The following SLC24A2 variants were observed in gnomAD, a reference collection of about 807,000 sequenced individuals.
SLC24A2 encodes sodium/potassium/calcium exchanger 2.
Under a neutral mutation model 62.0 loss-of-function variants are expected in SLC24A2, and 36 were observed. That is an observed-to-expected ratio of 0.58 (90% confidence interval 0.44 to 0.77). SLC24A2 has a LOEUF of 0.77. Among genes scored for constraint, SLC24A2 ranks in the 30% least tolerant of loss-of-function variants. The pLI, the probability that SLC24A2 is intolerant of heterozygous loss-of-function variation, is 0.00. For synonymous variants in SLC24A2, 358 were observed against 294.0 expected (o/e 1.22, Z -2.23); for missense variants, 846 against 817.9 (o/e 1.03, Z -0.42).
At chr9:19,668,048 T>G (rs558005002) in intron 2 of SLC24A2, among the ~76,000 whole-genome samples, 1 of 152,140 alleles carries the variant, frequency 6.6e-6, no homozygotes, top group African/African-American at 2.4e-5. Flanking sequence ...CTTGGCCACA[T>G]TGGAAGCTCC....
chr9:19,743,665 C>T (rs1375491783), intron 2 of SLC24A2, among the ~76,000 whole-genome samples: 4 of 152,078 alleles, frequency 2.6e-5, no homozygotes, highest in Non-Finnish European at 5.9e-5. Flanking sequence ...GAATTACTTG[C>T]TAAGTAAATT....
the SLC24A2 span, among the ~76,000 whole-genome samples, chr9:20,051,657 CT>C: frequency 0.15 from 11,026 of 73,760 alleles, 1,077 homozygotes; most frequent in East Asian, 0.6. Flanking sequence ...TTTTCTTTCT[CT>C]TTTTTTTTTT....
chr9:20,084,795 A>C, the SLC24A2 span, among the ~76,000 whole-genome samples: 1 of 152,154 alleles, frequency 6.6e-6, no homozygotes, highest in African/African-American at 2.4e-5. Flanking sequence ...TTAACAATGA[A>C]AGTACCATGA....
At chr9:20,297,563 C>T in the SLC24A2 span, among the ~76,000 whole-genome samples, 1 of 152,218 alleles carries the variant, frequency 6.6e-6, no homozygotes, top group Non-Finnish European at 1.5e-5. Flanking sequence ...ACCCACCTGC[C>T]TCAGGGACAG....
chr9:19,727,533 C>T (rs1189473576), intron 2 of SLC24A2, among the ~76,000 whole-genome samples: 1 of 152,144 alleles, frequency 6.6e-6, no homozygotes, highest in Non-Finnish European at 1.5e-5. Context: ...GGATTTTGGC[C>T]AGTTTTGTTC....
At chr9:19,562,240 A>ATG (rs1835439710) in intron 7 of SLC24A2, among the ~76,000 whole-genome samples, 1 of 152,220 alleles carries the variant, frequency 6.6e-6, no homozygotes, top group Admixed American at 6.5e-5. Context: ...AGAAACATAA[A>ATG]AAATAATTCA....
At chr9:20,101,946 G>A in the SLC24A2 span, among the ~76,000 whole-genome samples, 2 of 152,082 alleles carry the variant, frequency 1.3e-5, no homozygotes, top group South Asian at 4.1e-4. Flanking sequence ...GCTTAACAGT[G>A]GAGAGAAAGA....
the SLC24A2 span, among the ~76,000 whole-genome samples, chr9:20,046,401 C>T: frequency 1.3e-5 from 2 of 152,252 alleles, no homozygotes; most frequent in African/African-American, 2.4e-5. Flanking sequence ...GCAGACAATG[C>T]CCAACCTTCC....
chr9:19,833,296 G>A, the SLC24A2 span, among the ~76,000 whole-genome samples: 8 of 152,168 alleles, frequency 5.3e-5, no homozygotes, highest in South Asian at 2.1e-4. Flanking sequence ...CACACGTGAC[G>A]TGCAAGGGGT....
At chr9:19,739,160 T>G (rs1342807380) in intron 2 of SLC24A2, among the ~76,000 whole-genome samples, 1 of 152,120 alleles carries the variant, frequency 6.6e-6, no homozygotes, top group Admixed American at 6.6e-5. Flanking sequence ...TAATCAAAAA[T>G]GTGCATGACT....
intron 2 of SLC24A2, among the ~76,000 whole-genome samples, chr9:19,641,167 C>T (rs1440517745): frequency 1.3e-5 from 2 of 152,240 alleles, no homozygotes; most frequent in Admixed American, 6.5e-5. Context: ...ATCTACGTGA[C>T]ATCTCAGCAT....
chr9:19,772,935 A>C (rs1822733325), intron 2 of SLC24A2, among the ~76,000 whole-genome samples: 2 of 152,230 alleles, frequency 1.3e-5, no homozygotes, highest in Admixed American at 1.3e-4. Context: ...ATGTGAAAAC[A>C]ATCTAAATTC....
At chr9:19,720,689 ACC>A (rs370571898) in intron 2 of SLC24A2, among the ~76,000 whole-genome samples, 4,722 of 77,570 alleles carry the variant, frequency 0.061, 271 homozygotes, top group African/African-American at 0.18. Context: ...TACAATGACA[ACC>A]CCCCCCCCCA....
the SLC24A2 span, among the ~76,000 whole-genome samples, chr9:20,171,552 A>G: frequency 1.3e-5 from 2 of 152,052 alleles, no homozygotes; most frequent in Non-Finnish European, 2.9e-5. Context: ...CACCAAAAGC[A>G]AATGGGAGTA....
intron 7 of SLC24A2, among the ~76,000 whole-genome samples, chr9:19,555,258 T>C (rs1835027057): frequency 2.0e-5 from 3 of 152,232 alleles, no homozygotes. Context: ...AGTGTTCTCT[T>C]TATGAGGACT....
At chr9:19,567,012 G>A (rs1277171645) in intron 7 of SLC24A2, among the ~76,000 whole-genome samples, 1 of 151,370 alleles carries the variant, frequency 6.6e-6, no homozygotes, top group African/African-American at 2.5e-5. Flanking sequence ...TAATGTAAAT[G>A]GCGAGTTAAT....
chr9:20,231,038 A>G, the SLC24A2 span, among the ~76,000 whole-genome samples: 1 of 152,080 alleles, frequency 6.6e-6, no homozygotes, highest in African/African-American at 2.4e-5. Context: ...AAGATCAGAT[A>G]GTTGTAGATA....
At chr9:19,999,171 G>C in the SLC24A2 span, among the ~76,000 whole-genome samples, 1 of 152,250 alleles carries the variant, frequency 6.6e-6, no homozygotes, top group Admixed American at 6.5e-5. Context: ...GCAAGACTTG[G>C]AGCAGGGAGC....
At position 19,508,677 on chromosome 9, in the gene SLC24A2, C is replaced by G. The variant is rs909633518; in HGVS notation, c.*7476G>C. On this transcript the variant is annotated 3_prime_UTR_variant, in exon 11 of 11. Transcript: ENST00000341998. ...GGCATGGTGGCATGTGCCTGAGGTC[C>G]CAGCTACTCAAGAGGCTGAAGTGGG... 7.9e-5 allele frequency: 12 copies of G among 152,008 alleles called. No individual in the cohort carries two copies. The highest frequency in any genetic ancestry group is 7.2e-4 in the Admixed American group (11 of 15,258). 9.4% of individuals were successfully genotyped at this position (152,008 alleles called of 1,614,324 possible).
Sources: allele counts gnomAD v4.1 joint callset (sites outside exome capture counted in the v4.1 genomes callset), GRCh38; gene constraint gnomAD v4.1.1; transcripts MANE v1.5; gene names NCBI Gene and HGNC (gene_info 2026-07-23, HGNC 2026-07-21).